PCM1: variants seen among roughly 807,000 people sequenced by gnomAD.
The protein encoded by PCM1 is pericentriolar material 1.
A neutral mutation model predicts 241.9 loss-of-function variants in PCM1; 157 were observed. The ratio of observed to expected loss-of-function variants is 0.65; its 90% CI spans 0.57 to 0.74. PCM1 has a LOEUF of 0.74. Ranked by LOEUF, PCM1 falls within the 30% of genes least tolerant of loss-of-function variation. PCM1 has a pLI of 0.00. For synonymous variants in PCM1, 1,085 were observed against 784.9 expected, an observed-to-expected ratio of 1.38 and a Z score of -6.39; for missense variants, 3,478 against 2,360.1, an observed-to-expected ratio of 1.47 and a Z score of -9.81.
At chr8:17,930,114 T>C (rs2058512224) in intron 2 of PCM1, among the ~76,000 whole-genome samples, 1 of 150,248 alleles carries the variant, frequency 6.7e-6, no homozygotes, top group Non-Finnish European at 1.5e-5. Context: ...TTTTTTTTTT[T>C]TTTTTTTGAG....
chr8:17,950,838 G>A, intron 8 of PCM1, 114 bp downstream of exon 8: 1 of 682,108 alleles, frequency 1.5e-6, no homozygotes, highest in Non-Finnish European at 2.5e-6. Flanking sequence ...AGCAGTGTAG[G>A]TTTCTGATTG....
chr8:18,007,493 T>A (rs2091648877), intron 30 of PCM1, among the ~76,000 whole-genome samples: 1 of 152,190 alleles, frequency 6.6e-6, no homozygotes, highest in Admixed American at 6.5e-5. Context: ...AAATTATAAT[T>A]TAAATATTTT....
At chr8:17,941,838 A>G (rs372739387) in intron 6 of PCM1, among the ~76,000 whole-genome samples, 1 of 149,794 alleles carries the variant, frequency 6.7e-6, no homozygotes, top group African/African-American at 2.5e-5. Context: ...CCTCAAAGGT[A>G]TACTTTACAA....
At chr8:17,954,162 T>C (rs1047681102) in intron 9 of PCM1, among the ~76,000 whole-genome samples, 2 of 152,176 alleles carry the variant, frequency 1.3e-5, no homozygotes, top group African/African-American at 2.4e-5. Context: ...GTGTGGTGGC[T>C]CACGCCTGTA....
Position 17,963,276 on chromosome 8 carries a change from A to G in PCM1, c.2639A>G (p.Gln880Arg), listed in dbSNP as rs753357271. 1.9e-6 allele frequency: 3 copies of G among 1,584,842 alleles called. No individual in the cohort carries two copies. Among genetic ancestry groups the G allele is most frequent in the Non-Finnish European group, 2.6e-6 (3 of 1,172,098 alleles). Residue 880 changes from glutamine (Q) to arginine (R), a missense_variant, in exon 17 of 39, where the codon CAA becomes CGA. Gln to Arg is a conservative substitution (Grantham distance 43). Coordinates refer to ENST00000325083, the MANE Select transcript of PCM1 (RefSeq NM_006197.4). ...DGSENLCTPQ[Q>R]SRTEKTMATW... ...TCTGAGAACCTATGTACTCCTCAGC[A>G]AAGTAGAACAGAAAAGTAAGAGAGC...
At position 17,972,370 on chromosome 8, in the gene PCM1, C is replaced by T. The variant is rs1201496334; in HGVS notation, c.3626C>T (p.Thr1209Ile). The T allele has an allele frequency of 6.3e-7, 1 of 1,574,946 alleles. No individual in the cohort carries two copies. ...GAAGAGGAGGTGGAAAGCAGTAGGA[C>T]ACCATGGTTATATGAACAAGAAGGT... ...LPEEEVESSR[T>I]PWLYEQEGEV... Residue 1209 changes from threonine to isoleucine, a missense_variant, in exon 23 of 39, where the codon ACA becomes ATA. Thr to Ile is a moderately conservative substitution (Grantham distance 89). Coordinates refer to ENST00000325083, the MANE Select transcript of PCM1 (RefSeq NM_006197.4).
At position 17,972,569 on chromosome 8, in the gene PCM1, A is replaced by C. The variant is rs2077200849; in HGVS notation, c.3825A>C (p.Lys1275Asn). ...PDPVDPTTVT[K>N]TFKTRKASAQ... ...CAGTAGATCCAACAACAGTGACTAAAACATTCAAGACAAGAAAAGCGTCTG... is the reference window on the plus strand; with the variant it reads ...CAGTAGATCCAACAACAGTGACTAACACATTCAAGACAAGAAAAGCGTCTG... The change falls in exon 23 of 39, where the codon AAA (lysine) becomes AAC (asparagine). Residue 1275 changes from lysine to asparagine, a missense_variant. Coordinates refer to ENST00000325083, the MANE Select transcript of PCM1 (RefSeq NM_006197.4). 9.3e-6 allele frequency: 15 copies of C among 1,613,808 alleles called. No homozygotes were observed. The highest frequency in any genetic ancestry group is 1.2e-5 in the Non-Finnish European group (14 of 1,179,756).
chr8:17,948,987 A>G (rs148930329), intron 7 of PCM1, among the ~76,000 whole-genome samples: 89 of 152,304 alleles, frequency 5.8e-4, no homozygotes, highest in African/African-American at 1.9e-3. Flanking sequence ...GCCTAGATTT[A>G]TATAGAATTT....
chr8:17,997,493 G>C (rs1362974470), intron 29 of PCM1, among the ~76,000 whole-genome samples: 3 of 151,930 alleles, frequency 2.0e-5, no homozygotes, highest in African/African-American at 4.8e-5. Flanking sequence ...GTCCTGTTGA[G>C]GTTATTTTGC....
chr8:17,972,225 A>T (rs1029919608), intron 22 of PCM1, 104 bp from the exon 23 acceptor site: 2 of 548,188 alleles, frequency 3.6e-6, no homozygotes, highest in Non-Finnish European at 5.8e-6. Context: ...CCTGTTGACA[A>T]TTTTATTCAC....
At chr8:17,960,849 T>C (rs1291136866) in intron 15 of PCM1, among the ~76,000 whole-genome samples, 1 of 152,102 alleles carries the variant, frequency 6.6e-6, no homozygotes, top group Non-Finnish European at 1.5e-5. Flanking sequence ...GACAGAATTA[T>C]ATCTAGTAAT....
intron 2 of PCM1, among the ~76,000 whole-genome samples, chr8:17,931,662 T>C (rs1654069696): frequency 6.6e-6 from 1 of 152,212 alleles, no homozygotes; most frequent in Non-Finnish European, 1.5e-5. Flanking sequence ...TTGACTTAAA[T>C]ATCTTAATTT....
intron 6 of PCM1, chr8:17,940,144 G>A (rs1306788918): frequency 6.5e-7 from 1 of 1,541,850 alleles, no homozygotes; most frequent in Admixed American, 1.9e-5. Context: ...GCAGTCTGAG[G>A]CTTCAGATAC....
At chr8:18,027,493 T>C in intron 38 of PCM1, 144 bp from the exon 39 acceptor site, 2 of 526,690 alleles carry the variant, frequency 3.8e-6, no homozygotes, top group East Asian at 2.9e-5. Flanking sequence ...CTGTGTGCTA[T>C]TAGGGAATTG....
At chr8:17,940,929 A>C (rs952122080) in intron 6 of PCM1, among the ~76,000 whole-genome samples, 5 of 152,164 alleles carry the variant, frequency 3.3e-5, no homozygotes, top group African/African-American at 1.2e-4. Flanking sequence ...ATAAGCATAT[A>C]TCTCTTCGGG....
chr8:18,001,995 CTTTTTTTTTTTTTTTTTTTTTT>C (rs1166401113), intron 29 of PCM1, among the ~76,000 whole-genome samples: 10 of 23,404 alleles, frequency 4.3e-4, no homozygotes, highest in South Asian at 2.3e-3. Flanking sequence ...TCTAACCTTT[CTTTTTTTTTTTTTTTTTTTTTT>C]TTTTTTTTTT....
intron 21 of PCM1, chr8:17,969,293 C>G (rs1351139750): frequency 3.7e-6 from 1 of 271,618 alleles, no homozygotes; most frequent in East Asian, 9.5e-5. Flanking sequence ...AAAGTGCCTG[C>G]AGTAGAGTGT....
chr8:17,975,391 G>A (rs1479462230), intron 23 of PCM1, among the ~76,000 whole-genome samples: 5 of 152,176 alleles, frequency 3.3e-5, no homozygotes, highest in South Asian at 2.1e-4. Flanking sequence ...TTGAACTCCC[G>A]ATCTCAGGTG....
intron 23 of PCM1, among the ~76,000 whole-genome samples, chr8:17,977,638 G>T (rs1490398397): frequency 6.6e-6 from 1 of 152,108 alleles, no homozygotes; most frequent in Admixed American, 6.6e-5. Flanking sequence ...AAGAGTAGCA[G>T]TGTTTTGCTA....
Sources: gnomAD v4.1 joint callset for allele counts (sites outside exome capture counted in the v4.1 genomes callset) on GRCh38, gnomAD v4.1.1 for gene constraint, MANE v1.5 for transcripts, NCBI Gene and HGNC (gene_info 2026-07-23, HGNC 2026-07-21) for gene names.